Variants in MLF1 observed in about 807,000 individuals in gnomAD.
MLF1 encodes the protein myeloid leukemia factor 1.
MLF1 carries 37 observed loss-of-function variants against 38.3 expected under a neutral mutation model. That is an observed-to-expected ratio of 0.96 (90% CI 0.74 to 1.27). The LOEUF is 1.27. Ranked by LOEUF, MLF1 falls within the 50% of genes most tolerant of loss-of-function variation. The probability of loss-of-function intolerance (pLI) is 0.00; values close to 1 mark genes in which losing one functional copy is unlikely to be tolerated. For synonymous variants in MLF1, 95 were observed against 106.5 expected, an observed-to-expected ratio of 0.89 and a Z score of 0.66; for missense variants, 331 against 349.2, an observed-to-expected ratio of 0.95 and a Z score of 0.42.
intron 1 of MLF1, chr3:158,589,028 A>G (rs1717740205): frequency 2.5e-6 from 1 of 404,152 alleles, no homozygotes. Flanking sequence ...AGGAACTTCA[A>G]GACTGCAGGC....
At chr3:158,597,038 G>T in intron 4 of MLF1, 93 bp downstream of exon 4, 2 of 702,234 alleles carry the variant, frequency 2.8e-6, no homozygotes, top group African/African-American at 1.8e-5. Flanking sequence ...AACCATAGTG[G>T]TTAAAAAAGA....
intron 1 of MLF1, among the ~76,000 whole-genome samples, chr3:158,573,005 C>G (rs2108538018): frequency 6.6e-6 from 1 of 151,688 alleles, no homozygotes; most frequent in East Asian, 1.9e-4. Flanking sequence ...AAGGGCTTTG[C>G]AGGTGACATA....
In MLF1 at chr3:158,606,272, T is replaced by C. The variant is rs559940692; in HGVS notation, c.*1070T>C. 8 of 175,196 alleles carry C rather than the reference T, an allele frequency of 4.6e-5. No homozygotes were observed. Among genetic ancestry groups the C allele is most frequent in the African/African-American group, 1.9e-4 (8 of 42,320 alleles). 10.9% of individuals were successfully genotyped at this position (175,196 alleles called of 1,614,324 possible). A position where few individuals can be genotyped will look rare whatever the true frequency, so the allele number is the denominator to read the frequency against. ...TCACATTTGTTGTTTAATATTTCTG[T>C]CAAGGAAAAAAGCCCCCAAAAATTG... On this transcript the variant is annotated 3_prime_UTR_variant, in exon 8 of 8. Coordinates refer to ENST00000466246, the MANE Select transcript of MLF1 (RefSeq NM_001369783.1).
intron 1 of MLF1, among the ~76,000 whole-genome samples, chr3:158,578,831 G>A (rs1715882289): frequency 6.6e-6 from 1 of 152,100 alleles, no homozygotes; most frequent in South Asian, 2.1e-4. Context: ...AGAAAGTTTG[G>A]TAGCAGAAAT....
intron 1 of MLF1, among the ~76,000 whole-genome samples, chr3:158,582,405 A>G (rs946194227): frequency 6.6e-6 from 1 of 152,218 alleles, no homozygotes; most frequent in African/African-American, 2.4e-5. Flanking sequence ...ACCATAGTAC[A>G]AAGGAACAGA....
At chr3:158,589,906 A>T (rs562789859) in intron 1 of MLF1, among the ~76,000 whole-genome samples, 1 of 152,318 alleles carries the variant, frequency 6.6e-6, no homozygotes, top group South Asian at 2.1e-4. Context: ...CCAGCAGTGT[A>T]GCATCTTCTG....
At position 158,585,206 on chromosome 3, in the gene MLF1, C is replaced by T. The variant is rs1273881928; in HGVS notation, c.48-7228C>T. On this transcript the variant is annotated intron_variant, in intron 1 of 7. Coordinates refer to ENST00000466246, the MANE Select transcript of MLF1 (RefSeq NM_001369783.1). Reference sequence around the variant, plus strand: ...GATCCTTCATTAATAGATTAATGCCCTCCCTGGAGGTTAGGGTGAGGTGGT... The same window carrying T: ...GATCCTTCATTAATAGATTAATGCCTTCCCTGGAGGTTAGGGTGAGGTGGT... 3.3e-5 allele frequency among the ~76,000 whole-genome samples: 5 copies of T among 151,958 alleles called. No homozygotes were observed. The East Asian group carries it at 9.7e-4, about 29-fold the overall frequency.
intron 1 of MLF1, among the ~76,000 whole-genome samples, chr3:158,572,772 GTGCA>G: frequency 7.0e-6 from 1 of 142,202 alleles, no homozygotes; most frequent in Non-Finnish European, 1.5e-5. Context: ...AGTTGATGGC[GTGCA>G]GTGGGGGGAG....
chr3:158,590,905 G>C (rs571469336), intron 1 of MLF1: 36 of 425,408 alleles, frequency 8.5e-5, no homozygotes, highest in South Asian at 6.2e-4. Flanking sequence ...GAAAACATCT[G>C]TCTATACATA....
rs535387784 is a variant in MLF1 at position 158,605,755 on chromosome 3, G to T, written c.*553G>T. 5.5e-6 allele frequency: 1 copy of T among 181,710 alleles called. No individual in the cohort carries two copies. The highest frequency in any genetic ancestry group is 1.2e-5 in the Non-Finnish European group (1 of 85,438). The allele number at this position is 181,710 out of a possible 1,614,324, so 11.3% of individuals were successfully genotyped here. On this transcript the variant is annotated 3_prime_UTR_variant, in exon 8 of 8. Transcript: ENST00000466246. ...AAAATAGTTACTATTTTGATAAAGGGCAAGGATAATCAAATAGTTCATTTT... is the reference window on the plus strand; with the variant it reads ...AAAATAGTTACTATTTTGATAAAGGTCAAGGATAATCAAATAGTTCATTTT...
chr3:158,593,886 T>G (rs541095113), intron 3 of MLF1, among the ~76,000 whole-genome samples: 1 of 152,318 alleles, frequency 6.6e-6, no homozygotes, highest in Admixed American at 6.5e-5. Context: ...TTCTTAAGAA[T>G]GGCCACTCTG....
chr3:158,575,569 C>A (rs142439342), intron 1 of MLF1, among the ~76,000 whole-genome samples: 368 of 152,272 alleles, frequency 2.4e-3, no homozygotes, highest in African/African-American at 8.6e-3. Flanking sequence ...TGACAAACTC[C>A]TTAATGAATC....
chr3:158,601,171 A>G (rs1719690700), intron 6 of MLF1, among the ~76,000 whole-genome samples: 2 of 152,144 alleles, frequency 1.3e-5, no homozygotes, highest in Admixed American at 1.3e-4. Context: ...ACGGTGGCTC[A>G]TGCCTGTAAT....
intron 1 of MLF1, among the ~76,000 whole-genome samples, chr3:158,584,854 A>G (rs775741482): frequency 6.6e-6 from 1 of 151,874 alleles, no homozygotes; most frequent in Non-Finnish European, 1.5e-5. Flanking sequence ...CCTGAGCAAC[A>G]TAGTGGGACC....
At chr3:158,577,591 A>C (rs1715658582) in intron 1 of MLF1, among the ~76,000 whole-genome samples, 1 of 152,226 alleles carries the variant, frequency 6.6e-6, no homozygotes, top group Non-Finnish European at 1.5e-5. Context: ...AATTTCTTAT[A>C]AATGAACTTT....
At chr3:158,581,179 G>C (rs557643155) in intron 1 of MLF1, among the ~76,000 whole-genome samples, 1 of 152,252 alleles carries the variant, frequency 6.6e-6, no homozygotes, top group East Asian at 1.9e-4. Context: ...AACCTGACCT[G>C]TAGTTGACAA....
At chr3:158,600,673 A>G (rs1719621173) in intron 6 of MLF1, among the ~76,000 whole-genome samples, 1 of 151,410 alleles carries the variant, frequency 6.6e-6, no homozygotes, top group Non-Finnish European at 1.5e-5. Context: ...GTTACTTATG[A>G]TGCTATTTTT....
At chr3:158,594,523 G>A (rs1166806841) in intron 3 of MLF1, among the ~76,000 whole-genome samples, 4 of 152,162 alleles carry the variant, frequency 2.6e-5, no homozygotes, top group Non-Finnish European at 5.9e-5. Flanking sequence ...GATGACTTAC[G>A]TCAAAGTGGT....
At chr3:158,595,752 T>C (rs1303301520) in intron 3 of MLF1, among the ~76,000 whole-genome samples, 1 of 152,160 alleles carries the variant, frequency 6.6e-6, no homozygotes, top group Non-Finnish European at 1.5e-5. Flanking sequence ...TACATTATTA[T>C]ATCTGTAAAA....
Sources: allele counts gnomAD v4.1 joint callset (sites outside exome capture counted in the v4.1 genomes callset), GRCh38; gene constraint gnomAD v4.1.1; transcripts MANE v1.5; gene names NCBI Gene and HGNC (gene_info 2026-07-23, HGNC 2026-07-21).